Variants in RBMS3 observed in about 807,000 individuals in gnomAD.
RBMS3 encodes the protein RNA binding motif single stranded interacting protein 3.
RBMS3 carries 27 observed loss-of-function variants against 66.8 expected under a neutral mutation model. The ratio of observed to expected loss-of-function variants is 0.40; its 90% CI spans 0.30 to 0.56. The LOEUF is 0.56. Among genes scored for constraint, RBMS3 ranks in the 20% least tolerant of loss-of-function variants. The pLI, the probability that RBMS3 is intolerant of heterozygous loss-of-function variation, is 0.40. For synonymous variants in RBMS3, 188 were observed against 183.0 expected (o/e 1.03, Z -0.22); for missense variants, 513 against 549.5 (o/e 0.93, Z 0.66).
chr3:29,833,498 C>A lies in RBMS3; in HGVS notation c.638-35360C>A, dbSNP rs534436238. On this transcript the variant is annotated intron_variant, in intron 6 of 14. Coordinates refer to ENST00000383767, the MANE Select transcript of RBMS3 (RefSeq NM_001003793.3). ...TCAATAAAGATTTAGAAATTATGAG[C>A]GAAACCAACAGAAATTCTGGAGCTG... 6.6e-5 allele frequency among the ~76,000 whole-genome samples: 10 copies of A among 151,952 alleles called. 1 individual carries two copies. Among genetic ancestry groups the A allele is most frequent in the Middle Eastern group, 6.8e-3 (2 of 294 alleles).
At chr3:29,547,807 ATTTTTTTTTTTT>A (rs3043400) in intron 3 of RBMS3, among the ~76,000 whole-genome samples, 2 of 93,298 alleles carry the variant, frequency 2.1e-5, no homozygotes, top group African/African-American at 8.4e-5. Context: ...TTGTGGATTG[ATTTTTTTTTTTT>A]TTTTTTTTTT....
chr3:29,637,641 C>G (rs191125485), intron 4 of RBMS3, among the ~76,000 whole-genome samples: 7 of 151,964 alleles, frequency 4.6e-5, no homozygotes, highest in African/African-American at 1.7e-4. Context: ...AGAAGCACCT[C>G]TCTTGCATGT....
chr3:29,462,821 C>T (rs2042414661), intron 2 of RBMS3, among the ~76,000 whole-genome samples: 1 of 152,118 alleles, frequency 6.6e-6, no homozygotes, highest in Non-Finnish European at 1.5e-5. Context: ...AGACAAATGA[C>T]ACAATGACTT....
At chr3:29,892,357 T>C (rs1050362193) in intron 8 of RBMS3, among the ~76,000 whole-genome samples, 1 of 151,614 alleles carries the variant, frequency 6.6e-6, no homozygotes. Context: ...TCAATCTTCA[T>C]GCTACTACCG....
chr3:29,730,850 C>G, intron 4 of RBMS3: 1 of 979,624 alleles, frequency 1.0e-6, no homozygotes, highest in Non-Finnish European at 1.2e-6. Context: ...ATAGAGAGAT[C>G]TCAATATTGT....
chr3:29,419,257 C>A (rs1251282051), intron 1 of RBMS3, among the ~76,000 whole-genome samples: 2 of 152,130 alleles, frequency 1.3e-5, no homozygotes, highest in Non-Finnish European at 2.9e-5. Flanking sequence ...TCTGTATTAA[C>A]CCCACCTGTA....
chr3:29,888,395 C>T (rs748676106), intron 8 of RBMS3, among the ~76,000 whole-genome samples: 1 of 151,704 alleles, frequency 6.6e-6, no homozygotes, highest in Non-Finnish European at 1.5e-5. Context: ...TCTTTCCTCA[C>T]TTTATTTTCT....
chr3:29,592,863 A>G (rs983658097), intron 4 of RBMS3, among the ~76,000 whole-genome samples: 57 of 152,100 alleles, frequency 3.7e-4, no homozygotes, highest in Non-Finnish European at 7.2e-4. Context: ...TTGTAGGGAC[A>G]TGGATGAAGC....
chr3:29,957,342 A>G (rs1696111565), intron 12 of RBMS3, among the ~76,000 whole-genome samples: 2 of 152,168 alleles, frequency 1.3e-5, no homozygotes, highest in African/African-American at 2.4e-5. Flanking sequence ...CATTGATTGA[A>G]TAAATGATAC....
intron 1 of RBMS3, among the ~76,000 whole-genome samples, chr3:29,339,896 C>G (rs956208536): frequency 6.6e-6 from 1 of 152,024 alleles, no homozygotes; most frequent in Non-Finnish European, 1.5e-5. Context: ...GTAGGGTGAG[C>G]AGCACATTTT....
At chr3:29,930,109 C>CTTTCTTTT (rs71091082) in intron 10 of RBMS3, among the ~76,000 whole-genome samples, 5 of 43,570 alleles carry the variant, frequency 1.1e-4, no homozygotes, top group Admixed American at 3.1e-4. Flanking sequence ...TTCTTTCTTT[C>CTTTCTTTT]TTTTTTTTTT....
chr3:29,618,275 C>T (rs1012023390), intron 4 of RBMS3, among the ~76,000 whole-genome samples: 1 of 152,044 alleles, frequency 6.6e-6, no homozygotes, highest in South Asian at 2.1e-4. Flanking sequence ...CAGGTGGAAC[C>T]CCTGAGGTCA....
At chr3:29,843,512 T>C (rs1033114176) in intron 6 of RBMS3, among the ~76,000 whole-genome samples, 7 of 152,232 alleles carry the variant, frequency 4.6e-5, no homozygotes, top group African/African-American at 1.7e-4. Flanking sequence ...GGTGTATTTC[T>C]TTGTTTATAA....
chr3:29,639,406 G>A (rs892624710), intron 4 of RBMS3, among the ~76,000 whole-genome samples: 4 of 151,604 alleles, frequency 2.6e-5, no homozygotes, highest in South Asian at 2.1e-4. Flanking sequence ...TTATAAACAC[G>A]CCTAGTGATA....
chr3:29,734,324 AG>A (rs1333748495), intron 4 of RBMS3, among the ~76,000 whole-genome samples: 2 of 152,068 alleles, frequency 1.3e-5, no homozygotes, highest in East Asian at 3.9e-4. Context: ...TAAGTTCTAG[AG>A]TTTTATGGCA....
At chr3:29,915,694 T>G (rs2060623001) in intron 10 of RBMS3, among the ~76,000 whole-genome samples, 1 of 151,946 alleles carries the variant, frequency 6.6e-6, no homozygotes, top group South Asian at 2.1e-4. Context: ...GAGGTCCTTT[T>G]AGTGGAATAT....
intron 4 of RBMS3, among the ~76,000 whole-genome samples, chr3:29,624,795 G>T (rs1232094805): frequency 6.6e-6 from 1 of 152,062 alleles, no homozygotes; most frequent in Non-Finnish European, 1.5e-5. Context: ...TTGAAGGAAA[G>T]GAATATAGAA....
chr3:29,973,222 C>G (rs1241870566), intron 12 of RBMS3, among the ~76,000 whole-genome samples: 1 of 151,816 alleles, frequency 6.6e-6, no homozygotes, highest in Non-Finnish European at 1.5e-5. Context: ...AAAAAGAAAA[C>G]AGAATGTTAA....
intron 6 of RBMS3, among the ~76,000 whole-genome samples, chr3:29,772,878 T>C (rs562593472): frequency 6.6e-6 from 1 of 152,182 alleles, no homozygotes; most frequent in African/African-American, 2.4e-5. Flanking sequence ...CACATATTAC[T>C]ATAGAAGACT....
Sources: gnomAD v4.1 joint callset for allele counts (sites outside exome capture counted in the v4.1 genomes callset) on GRCh38, gnomAD v4.1.1 for gene constraint, MANE v1.5 for transcripts, NCBI Gene and HGNC (gene_info 2026-07-23, HGNC 2026-07-21) for gene names.